The following BMP7 variants were observed in gnomAD, a reference collection of about 807,000 sequenced individuals.
The protein encoded by BMP7 is osteogenic protein 1.
In BMP7, 12 loss-of-function variants were observed where a neutral mutation model predicts 41.2. The observed-to-expected ratio is 0.29, with a 90% CI of 0.19 to 0.47. BMP7 has a LOEUF of 0.47. Among genes scored for constraint, BMP7 ranks in the 20% least tolerant of loss-of-function variants. BMP7 has a pLI of 0.99. For missense variants in BMP7, 467 were observed against 606.0 expected, an observed-to-expected ratio of 0.77 and a Z score of 2.41; for synonymous variants, 248 against 250.0, an observed-to-expected ratio of 0.99 and a Z score of 0.07.
intron 2 of BMP7, among the ~76,000 whole-genome samples, chr20:57,203,226 A>G (rs1015306588): frequency 6.6e-6 from 1 of 152,218 alleles, no homozygotes; most frequent in African/African-American, 2.4e-5. Context: ...GAGCCCACCA[A>G]GAGTTAGGAG....
In BMP7 at chr20:57,259,610, A is replaced by G. The variant is rs2066146099; in HGVS notation, c.418+6095T>C. On this transcript the variant is annotated intron_variant, in intron 1 of 6. Transcript: ENST00000395863. This position sits in a 1 kb window ranked among gnomAD's most constrained non-coding sequence, Gnocchi z 4.7. ...TAAAGCTGGTGCTCTCGGAGTTGTC[A>G]TTAATTCAATCCACTCCACGCGGAT... Among the ~76,000 whole-genome samples, 1 of 152,202 alleles carries G rather than the reference A, an allele frequency of 6.6e-6. No homozygotes were observed. The highest frequency in any genetic ancestry group is 6.5e-5 in the Admixed American group (1 of 15,292).
Position 57,173,299 on chromosome 20 carries a change from G to A in BMP7, c.1047C>T (p.Ile349=), listed in dbSNP as rs563071072. ...FRDLGWQDWI[I]APEGYAAYYC... ...AGTAGGCGGCGTAGCCTTCAGGCGC[G>A]ATGATCCAGTCCTGAGGAGGAGAAG... The change falls in exon 6 of 7, where the codon ATC becomes ATT. Residue 349 remains isoleucine, a synonymous_variant. Coordinates refer to ENST00000395863, the MANE Select transcript of BMP7 (RefSeq NM_001719.3). 5.0e-6 allele frequency: 8 copies of A among 1,614,080 alleles called. No homozygotes were observed. Among genetic ancestry groups the A allele is most frequent in the East Asian group, 2.2e-5 (1 of 44,878 alleles).
At position 57,170,738 on chromosome 20, in the gene BMP7, G is replaced by C; in HGVS notation, c.*221C>G. On this transcript the variant is annotated 3_prime_UTR_variant, in exon 7 of 7. Coordinates refer to ENST00000395863, the MANE Select transcript of BMP7 (RefSeq NM_001719.3). ...TTGTTTTTTTTTCCTGCTAGGTTTT[G>C]CCTGCACAGCTTGTAGGATCTTGTT... The C allele has an allele frequency of 1.7e-6, 1 of 580,120 alleles. No homozygotes were observed. The highest frequency in any genetic ancestry group is 3.0e-6 in the Non-Finnish European group (1 of 334,174). 35.9% of individuals were successfully genotyped at this position (580,120 alleles called of 1,614,324 possible). A position where few individuals can be genotyped will look rare whatever the true frequency, so the allele number is the denominator to read the frequency against.
intron 3 of BMP7, among the ~76,000 whole-genome samples, chr20:57,201,320 G>A (rs548455836): frequency 2.6e-5 from 4 of 152,370 alleles, no homozygotes; most frequent in East Asian, 1.9e-4. Flanking sequence ...GTCACACAGT[G>A]TGTGGGTGGC....
chr20:57,185,905 ATACC>A (rs1372303160), intron 3 of BMP7, among the ~76,000 whole-genome samples: 4 of 151,816 alleles, frequency 2.6e-5, no homozygotes, highest in Admixed American at 6.6e-5. Flanking sequence ...AGAGCTTTGC[ATACC>A]CTAAGTGCTC....
chr20:57,192,246 C>CATATATACTATAGTATATATAGT (rs1239555343), intron 3 of BMP7, among the ~76,000 whole-genome samples: 2 of 118,740 alleles, frequency 1.7e-5, no homozygotes, highest in Admixed American at 9.6e-5. Context: ...TAGTATATAG[C>CATATATACTATAGTATATATAGT]ATATATACTA....
At chr20:57,188,919 C>G (rs990854572) in intron 3 of BMP7, among the ~76,000 whole-genome samples, 1 of 152,224 alleles carries the variant, frequency 6.6e-6, no homozygotes, top group Admixed American at 6.5e-5. Context: ...TCTGTCAAAA[C>G]CAAAGCCTGC....
At chr20:57,209,469 T>C (rs1053680404) in intron 2 of BMP7, among the ~76,000 whole-genome samples, 2 of 151,380 alleles carry the variant, frequency 1.3e-5, no homozygotes, top group African/African-American at 4.9e-5. Context: ...TAAAAGAAAG[T>C]AGATTAGTGT....
At chr20:57,217,462 G>T (rs1235440747) in intron 2 of BMP7, among the ~76,000 whole-genome samples, 3 of 152,190 alleles carry the variant, frequency 2.0e-5, no homozygotes, top group East Asian at 1.9e-4. Context: ...AAGCCCAGGG[G>T]TTACAAGGAC....
chr20:57,210,176 G>A (rs765385977), intron 2 of BMP7, among the ~76,000 whole-genome samples: 31 of 152,180 alleles, frequency 2.0e-4, no homozygotes, highest in Non-Finnish European at 1.3e-4. Flanking sequence ...GGCATGAACC[G>A]CTGGTGACCC....
intron 3 of BMP7, among the ~76,000 whole-genome samples, chr20:57,189,833 G>A (rs549920760): frequency 2.0e-5 from 3 of 152,322 alleles, no homozygotes; most frequent in Middle Eastern, 3.4e-3. Flanking sequence ...CGGTGAATGA[G>A]AACACGACCA....
At chr20:57,232,209 C>T (rs764917588) in intron 1 of BMP7, among the ~76,000 whole-genome samples, 6 of 152,174 alleles carry the variant, frequency 3.9e-5, no homozygotes, top group South Asian at 4.1e-4. Context: ...TTCCCCTCCC[C>T]CTGGAGATAG....
intron 3 of BMP7, among the ~76,000 whole-genome samples, chr20:57,189,318 G>A (rs1984295229): frequency 1.3e-5 from 2 of 152,306 alleles, no homozygotes; most frequent in South Asian, 2.1e-4. Context: ...GCCCATTTGC[G>A]GGCAGCGACC....
At chr20:57,180,422 G>A (rs1424623771) in intron 4 of BMP7, among the ~76,000 whole-genome samples, 1 of 151,954 alleles carries the variant, frequency 6.6e-6, no homozygotes, top group Non-Finnish European at 1.5e-5. Context: ...GCCTGGCCTC[G>A]TGGGCACCCA....
chr20:57,183,681 G>A, intron 4 of BMP7, 41 bp downstream of exon 4: 1 of 1,612,168 alleles, frequency 6.2e-7, no homozygotes, highest in Non-Finnish European at 8.5e-7. Flanking sequence ...GCCCTGCTGG[G>A]TTCCTGTGGT....
At chr20:57,195,194 C>T (rs918841275) in intron 3 of BMP7, among the ~76,000 whole-genome samples, 1 of 152,124 alleles carries the variant, frequency 6.6e-6, no homozygotes, top group Non-Finnish European at 1.5e-5. Flanking sequence ...ACAGTGAGGC[C>T]CCTTGGTAAA....
intron 1 of BMP7, among the ~76,000 whole-genome samples, chr20:57,260,688 C>CCACCACTA (rs1002070179): frequency 2.0e-5 from 3 of 152,198 alleles, no homozygotes; most frequent in African/African-American, 7.2e-5. Context: ...CAGTGCTCTC[C>CCACCACTA]CACCACTACG....
At chr20:57,198,180 TCC>T (rs1984546624) in intron 3 of BMP7, among the ~76,000 whole-genome samples, 1 of 110,810 alleles carries the variant, frequency 9.0e-6, no homozygotes, top group African/African-American at 4.4e-5. Context: ...CCTCTCGCTC[TCC>T]TCTCCCCCTC....
intron 2 of BMP7, among the ~76,000 whole-genome samples, chr20:57,208,719 T>C (rs1441534076): frequency 3.9e-5 from 6 of 152,052 alleles, no homozygotes; most frequent in Admixed American, 3.9e-4. Context: ...CAAAATACAG[T>C]CAATTGATAC....
Sources: gnomAD v4.1 joint callset for allele counts (sites outside exome capture counted in the v4.1 genomes callset) on GRCh38, gnomAD v4.1.1 for gene constraint, Gnocchi (gnomAD v3.1) non-coding constraint, MANE v1.5 for transcripts, NCBI Gene and HGNC (gene_info 2026-07-23, HGNC 2026-07-21) for gene names.